Variants in SUPT3H observed in about 807,000 individuals in gnomAD.
SUPT3H encodes the protein transcription initiation protein SPT3 homolog.
Under a neutral mutation model 44.3 loss-of-function variants are expected in SUPT3H, and 44 were observed. The observed-to-expected ratio is 0.99, with a 90% CI of 0.78 to 1.28. The LOEUF is 1.28. Ranked by LOEUF, SUPT3H falls within the 50% of genes most tolerant of loss-of-function variation. The pLI, the probability that SUPT3H is intolerant of heterozygous loss-of-function variation, is 0.00. For synonymous variants in SUPT3H, 124 were observed against 125.6 expected (o/e 0.99, Z 0.09); for missense variants, 380 against 387.1 (o/e 0.98, Z 0.15).
At chr6:45,017,024 A>C (rs1223301137) in intron 4 of SUPT3H, among the ~76,000 whole-genome samples, 15 of 151,082 alleles carry the variant, frequency 9.9e-5, no homozygotes, top group East Asian at 2.0e-4. Context: ...TGACTTTTTA[A>C]TGATTGCCAT....
chr6:45,039,192 T>A (rs1033014922), intron 3 of SUPT3H, among the ~76,000 whole-genome samples: 8 of 152,160 alleles, frequency 5.3e-5, no homozygotes, highest in African/African-American at 1.9e-4. Context: ...ATTATTTAAT[T>A]ACATTGGATC....
At chr6:45,145,666 A>T (rs895342005) in intron 2 of SUPT3H, among the ~76,000 whole-genome samples, 15 of 152,096 alleles carry the variant, frequency 9.9e-5, no homozygotes, top group African/African-American at 3.6e-4. Context: ...AGATAAATAG[A>T]TGGGACTTAA....
intron 10 of SUPT3H, among the ~76,000 whole-genome samples, chr6:44,916,886 A>G (rs1767890983): frequency 6.6e-6 from 1 of 152,182 alleles, no homozygotes; most frequent in Non-Finnish European, 1.5e-5. Flanking sequence ...GTAATTTCCC[A>G]GTACTTTGGG....
At chr6:45,366,974 A>C (rs956299779) in intron 1 of SUPT3H, among the ~76,000 whole-genome samples, 3 of 152,186 alleles carry the variant, frequency 2.0e-5, no homozygotes, top group Admixed American at 2.0e-4. Context: ...CCTGTGGGTA[A>C]TGATAAAATT....
At position 44,957,292 on chromosome 6, in the gene SUPT3H, C is replaced by T. The variant is rs73735272; in HGVS notation, c.581-2685G>A. On this transcript the variant is annotated intron_variant, in intron 7 of 10. Coordinates refer to ENST00000371459, the MANE Select transcript of SUPT3H (RefSeq NM_003599.4). ...CATGGAAAACATTAAGTCCTGCTAT[C>T]GAAGCATATACCCAAAGCTGTCAAA... 8.7e-3 allele frequency among the ~76,000 whole-genome samples: 1,324 copies of T among 152,176 alleles called. 24 individuals carry two copies. Among genetic ancestry groups the T allele is most frequent in the African/African-American group, 0.03 (1,246 of 41,512 alleles).
At chr6:45,097,013 GTATAATATA>G (rs1224266852) in intron 3 of SUPT3H, among the ~76,000 whole-genome samples, 1 of 152,112 alleles carries the variant, frequency 6.6e-6, no homozygotes, top group Non-Finnish European at 1.5e-5. Flanking sequence ...AGAGAGTGTA[GTATAATATA>G]TATCAGGCAT....
chr6:45,176,600 G>A (rs112091456), intron 2 of SUPT3H, among the ~76,000 whole-genome samples: 1 of 152,184 alleles, frequency 6.6e-6, no homozygotes, highest in Admixed American at 6.5e-5. Context: ...GCCTGCCTCT[G>A]TAGGCTCCAC....
intron 2 of SUPT3H, among the ~76,000 whole-genome samples, chr6:45,199,036 T>C (rs1816557574): frequency 6.6e-6 from 1 of 151,372 alleles, no homozygotes; most frequent in African/African-American, 2.4e-5. Context: ...AATAATTACA[T>C]CTTTTACTAG....
intron 3 of SUPT3H, among the ~76,000 whole-genome samples, chr6:45,101,540 T>C (rs532223068): frequency 6.6e-6 from 1 of 152,274 alleles, no homozygotes; most frequent in African/African-American, 2.4e-5. Context: ...TGTACAGAGA[T>C]AAACAGCTAG....
At chr6:45,058,332 C>T (rs1353775889) in intron 3 of SUPT3H, among the ~76,000 whole-genome samples, 1 of 152,102 alleles carries the variant, frequency 6.6e-6, no homozygotes, top group Non-Finnish European at 1.5e-5. Context: ...TTAGTTTCCT[C>T]ATCTGGAAAA....
chr6:45,127,134 T>C (rs1802563955), intron 2 of SUPT3H, among the ~76,000 whole-genome samples: 1 of 152,066 alleles, frequency 6.6e-6, no homozygotes, highest in South Asian at 2.1e-4. Flanking sequence ...ACCAACATGG[T>C]GAAACCCCGT....
chr6:45,238,843 C>T (rs895363850), intron 2 of SUPT3H, among the ~76,000 whole-genome samples: 3 of 152,220 alleles, frequency 2.0e-5, no homozygotes, highest in Admixed American at 6.5e-5. Flanking sequence ...AAGAGTCTTA[C>T]TTGGCAAACC....
chr6:45,017,413 C>T (rs1434984573), intron 4 of SUPT3H, among the ~76,000 whole-genome samples: 1 of 151,158 alleles, frequency 6.6e-6, no homozygotes, highest in Non-Finnish European at 1.5e-5. Context: ...GACATGAAGT[C>T]CTTGCCCATG....
intron 2 of SUPT3H, among the ~76,000 whole-genome samples, chr6:45,233,275 G>A (rs546817898): frequency 1.3e-5 from 2 of 152,286 alleles, no homozygotes; most frequent in African/African-American, 4.8e-5. Context: ...GACTCTGGGA[G>A]ACATCAGTGG....
intron 10 of SUPT3H, among the ~76,000 whole-genome samples, chr6:44,886,085 G>A (rs146736723): frequency 1.4e-3 from 216 of 152,242 alleles, no homozygotes; most frequent in South Asian, 4.2e-3. Context: ...AAAAAGAAAC[G>A]AACAATGCCT....
chr6:45,016,875 G>A (rs903619894), intron 4 of SUPT3H, among the ~76,000 whole-genome samples: 3 of 151,700 alleles, frequency 2.0e-5, no homozygotes, highest in Non-Finnish European at 4.4e-5. Flanking sequence ...GGGATGGCTG[G>A]GTCAAATGGT....
rs532683280 is a variant in SUPT3H at position 45,039,196 on chromosome 6, T to C, written c.187-18564A>G. Reference sequence around the variant, plus strand: ...AAATCAAATCTATTATTTAATTACATTGGATCAAGAAACAGGAAGAAAAAG... The same window carrying C: ...AAATCAAATCTATTATTTAATTACACTGGATCAAGAAACAGGAAGAAAAAG... On this transcript the variant is annotated intron_variant, in intron 3 of 10. Transcript: ENST00000371459. 4.6e-5 allele frequency among the ~76,000 whole-genome samples: 7 copies of C among 152,254 alleles called. No individual in the cohort carries two copies. In the East Asian group the frequency reaches 7.7e-4, roughly 17 times the overall value.
intron 2 of SUPT3H, among the ~76,000 whole-genome samples, chr6:45,177,640 A>G: frequency 6.6e-6 from 1 of 151,582 alleles, no homozygotes; most frequent in Non-Finnish European, 1.5e-5. Context: ...AGTTGAAATG[A>G]AGGAAAAAAT....
rs1302724443 is a variant in SUPT3H, at chr6:45,252,259, TGA to T, written c.101+112940_101+112941del. On this transcript the variant is annotated intron_variant, in intron 2 of 10. Transcript: ENST00000371459. ...GCAGTTTGTCCAAGGTCACAGTTCATGAGAGAGAGGTAAACTGACTTAATTCT... is the reference window on the plus strand; with the variant it reads ...GCAGTTTGTCCAAGGTCACAGTTCATGAGAGAGGTAAACTGACTTAATTCT... 4.6e-5 allele frequency among the ~76,000 whole-genome samples: 7 copies of T among 152,304 alleles called. No individual in the cohort carries two copies. In the South Asian group the frequency reaches 1.4e-3, roughly 32 times the overall value.
Sources: allele counts gnomAD v4.1 joint callset (sites outside exome capture counted in the v4.1 genomes callset), GRCh38; gene constraint gnomAD v4.1.1; transcripts MANE v1.5; gene names NCBI Gene and HGNC (gene_info 2026-07-23, HGNC 2026-07-21).